Variants in GPR37 observed in about 807,000 individuals in gnomAD.
The protein encoded by GPR37 is G protein-coupled receptor 37, also known as prosaposin receptor GPR37.
In GPR37, 20 loss-of-function variants were observed where a neutral mutation model predicts 43.6. That is an observed-to-expected ratio of 0.46 (90% CI 0.32 to 0.67). GPR37 has a LOEUF of 0.67. Ranked by LOEUF, GPR37 falls within the 30% of genes least tolerant of loss-of-function variation. The pLI is 0.03. For synonymous variants in GPR37, 315 were observed against 322.6 expected, an observed-to-expected ratio of 0.98 and a Z score of 0.25; for missense variants, 724 against 797.2, an observed-to-expected ratio of 0.91 and a Z score of 1.11.
chr7:124,757,858 A>G (rs1793808827), intron 1 of GPR37, among the ~76,000 whole-genome samples: 1 of 152,216 alleles, frequency 6.6e-6, no homozygotes, highest in African/African-American at 2.4e-5. Flanking sequence ...GCATAGAAGA[A>G]AAGCCAGGTA....
rs754108421 is a variant in GPR37, at chr7:124,764,707, C to T, written c.270G>A (p.Ala90=). ...CTGCAGCCGGGTCACGGCCCGGGGC[C>T]GCCGGCAGGTCCCAGGAGGGTCCCG... The part of the protein sequence containing the change: ...FLAGPSWDLP[A]APGRDPAAGR... The change falls in exon 1 of 2, where the codon GCG becomes GCA. Residue 90 remains alanine (A), a synonymous_variant. Coordinates refer to ENST00000303921, the MANE Select transcript of GPR37 (RefSeq NM_005302.5). This position sits in a 1 kb window ranked among gnomAD's most constrained non-coding sequence, Gnocchi z 5.4. The T allele has an allele frequency of 3.1e-6, 5 of 1,598,514 alleles. No homozygotes were observed. The East Asian group carries it at 6.7e-5, about 21-fold the overall frequency.
Position 124,764,311 on chromosome 7 carries a change from A to T in GPR37, c.666T>A (p.Asn222Lys), listed in dbSNP as rs1793887780. ...CATGGATTCCTTCACCCAAGGATCC[A>T]TTCTGGGCCAGCGCCCGGCCCGGGA... ...IALPGRALAQ[N>K]GSLGEGIHEP... Residue 222 changes from asparagine to lysine, a missense_variant, in exon 1 of 2, where the codon AAT becomes AAA. Asn to Lys is a moderately conservative substitution (Grantham distance 94). Transcript: ENST00000303921. This position sits in a 1 kb window ranked among gnomAD's most constrained non-coding sequence, Gnocchi z 5.4. 6.2e-7 allele frequency: 1 copy of T among 1,609,878 alleles called. No homozygotes were observed. Among genetic ancestry groups the T allele is most frequent in the African/African-American group, 1.3e-5 (1 of 74,798 alleles).
intron 1 of GPR37, among the ~76,000 whole-genome samples, chr7:124,751,748 T>A (rs1446363860): frequency 3.3e-5 from 5 of 152,186 alleles, no homozygotes; most frequent in Non-Finnish European, 1.5e-5. Context: ...CCATGAAATA[T>A]GCTCTCAGGA....
Position 124,764,679 on chromosome 7 carries a change from T to G in GPR37, c.298A>C (p.Arg100=). The part of the protein sequence containing the change: ...AAPGRDPAAG[R]GAEASAAGPP... ...CCGGCTGCCGACGCCTCCGCCCCTCTGCCTGCAGCCGGGTCACGGCCCGGG... is the reference window on the plus strand; with the variant it reads ...CCGGCTGCCGACGCCTCCGCCCCTCGGCCTGCAGCCGGGTCACGGCCCGGG... Residue 100 remains arginine (R), a synonymous_variant, in exon 1 of 2, where the codon AGA becomes CGA. Transcript: ENST00000303921. The surrounding 1 kb of genome is among the most constrained non-coding windows in gnomAD (Gnocchi z 5.4). 1 of 1,592,466 alleles carries G rather than the reference T, an allele frequency of 6.3e-7. No homozygotes were observed. Among genetic ancestry groups the G allele is most frequent in the Non-Finnish European group, 8.5e-7 (1 of 1,170,222 alleles).
chr7:124,764,785 T>G lies in GPR37; in HGVS notation c.192A>C (p.Arg64Ser), dbSNP rs1190960884. ...RDAWGPGNSA[R>S]DVLRARAPRE... ...TGGGTGCTCGGGCTCGCAGAACGTCTCTTGCAGAATTTCCCGGTCCCCAGG... is the reference window on the plus strand; with the variant it reads ...TGGGTGCTCGGGCTCGCAGAACGTCGCTTGCAGAATTTCCCGGTCCCCAGG... Residue 64 changes from arginine (R) to serine (S), a missense_variant, in exon 1 of 2, where the codon AGA (arginine) becomes AGC (serine). Around this residue, in one of 2 missense-constraint regions of GPR37, gnomAD observed 382 missense variants for 355.4 expected, o/e 1.07. Coordinates refer to ENST00000303921, the MANE Select transcript of GPR37 (RefSeq NM_005302.5). This position sits in a 1 kb window ranked among gnomAD's most constrained non-coding sequence, Gnocchi z 5.4. The G allele has an allele frequency of 6.2e-7, 1 of 1,613,394 alleles. No individual in the cohort carries two copies. Among genetic ancestry groups the G allele is most frequent in the African/African-American group, 1.3e-5 (1 of 75,024 alleles).
chr7:124,750,232 T>G (rs1453430518), intron 1 of GPR37, among the ~76,000 whole-genome samples: 2 of 152,154 alleles, frequency 1.3e-5, no homozygotes, highest in African/African-American at 4.8e-5. Context: ...GATTCATTTC[T>G]CCTAAGTCTG....
chr7:124,759,489 C>G (rs1461237615), intron 1 of GPR37, among the ~76,000 whole-genome samples: 2 of 152,212 alleles, frequency 1.3e-5, no homozygotes, highest in African/African-American at 4.8e-5. Flanking sequence ...CCCTAATACA[C>G]ATAAAAGCAC....
chr7:124,765,622 A>C lies in GPR37; in HGVS notation c.-646T>G, dbSNP rs2239532. ...TGCTGCCGAGGAGAAGCGGGATTCC[A>C]ACCCCGCGGCCACTGCCAAAGTTGC... On this transcript the variant is annotated 5_prime_UTR_variant, in exon 1 of 2. Transcript: ENST00000303921. 0.21 allele frequency: 32,102 copies of C among 152,286 alleles called. 3,921 individuals are homozygous for C. Among genetic ancestry groups the C allele is most frequent in the East Asian group, 0.3 (1,569 of 5,156 alleles). 9.4% of individuals were successfully genotyped at this position (152,286 alleles called of 1,614,324 possible). A position where few individuals can be genotyped will look rare whatever the true frequency, so the allele number is the denominator to read the frequency against.
intron 1 of GPR37, 22 bp downstream of exon 1, chr7:124,763,932 G>A (rs770478326): frequency 2.5e-6 from 4 of 1,608,062 alleles, no homozygotes; most frequent in Non-Finnish European, 3.4e-6. Flanking sequence ...CCACTAGCTT[G>A]AGAGCCCCTG....
At chr7:124,759,651 G>A (rs372552277) in intron 1 of GPR37, among the ~76,000 whole-genome samples, 1 of 151,650 alleles carries the variant, frequency 6.6e-6, no homozygotes, top group African/African-American at 2.4e-5. Context: ...TTTGTCCTTC[G>A]ACTTTATGAG....
Position 124,762,687 on chromosome 7 carries a change from T to C in GPR37, c.1023+1267A>G, listed in dbSNP as rs924478483. Among the ~76,000 whole-genome samples, 3 of 152,172 alleles carry C rather than the reference T, an allele frequency of 2.0e-5. No homozygotes were observed. In the East Asian group the frequency reaches 5.8e-4, roughly 29 times the overall value. ...ACGCTGCTAAAGCAGCAACAGCTGA[T>C]TTCATAGTCATGGAATGATCCTGCA... On this transcript the variant is annotated intron_variant, in intron 1 of 1. Transcript: ENST00000303921.
intron 1 of GPR37, among the ~76,000 whole-genome samples, chr7:124,760,920 C>A (rs113013907): frequency 0.11 from 16,582 of 152,050 alleles, 1,121 homozygotes; most frequent in African/African-American, 0.18. Context: ...AACTTTGGGA[C>A]GCAGAGGTGG....
chr7:124,762,007 T>TG (rs1793856774), intron 1 of GPR37, among the ~76,000 whole-genome samples: 1 of 151,914 alleles, frequency 6.6e-6, no homozygotes, highest in African/African-American at 2.4e-5. Flanking sequence ...GCTACTAGGA[T>TG]GGGGAAAAGT....
chr7:124,756,409 G>A (rs1793790680), intron 1 of GPR37, among the ~76,000 whole-genome samples: 1 of 152,144 alleles, frequency 6.6e-6, no homozygotes, highest in South Asian at 2.1e-4. Context: ...CAAATGGAAA[G>A]TATTCTGTCT....
At chr7:124,755,266 A>G (rs1384680599) in intron 1 of GPR37, among the ~76,000 whole-genome samples, 1 of 152,144 alleles carries the variant, frequency 6.6e-6, no homozygotes, top group East Asian at 1.9e-4. Context: ...ATAACCATTT[A>G]TTTCTAATAT....
rs1408294908 is a variant in GPR37 at position 124,746,838 on chromosome 7, A to G, written c.1529T>C (p.Ile510Thr). The G allele has an allele frequency of 6.2e-7, 1 of 1,614,080 alleles. No homozygotes were observed. The highest frequency in any genetic ancestry group is 1.1e-5 in the South Asian group (1 of 91,090). Residue 510 changes from isoleucine to threonine, a missense_variant, in exon 2 of 2, where the codon ATC becomes ACC. By Grantham distance (89) the Ile-to-Thr change is moderately conservative. This residue lies in a region of GPR37 where 342 missense variants were observed against 441.8 expected (regional missense o/e 0.77). Coordinates refer to ENST00000303921, the MANE Select transcript of GPR37 (RefSeq NM_005302.5). ...CATGTAGGCAGTAACAATGTTGCAG[A>G]TATTTTCAGGAATAATGCAAAATCC... The part of the protein sequence containing the change: ...LYGFCIIPEN[I>T]CNIVTAYMAT...
At chr7:124,761,154 C>CAAAAAAAA (rs60967099) in intron 1 of GPR37, among the ~76,000 whole-genome samples, 1 of 77,470 alleles carries the variant, frequency 1.3e-5, no homozygotes, top group African/African-American at 5.3e-5. Flanking sequence ...GACTCCGTCT[C>CAAAAAAAA]AAAAAAAAAA....
Position 124,747,077 on chromosome 7 carries a change from G to T in GPR37, c.1290C>A (p.Thr430=). The stretch of plus-strand genomic sequence containing the variant: ...CGTAGGTGAGGGCTAGAACATAGAT[G>T]GTGTCTGGTAAATCAGGAGAGATCT... The part of the protein sequence containing the change: ...IIKISPDLPD[T]IYVLALTYDS... The change falls in exon 2 of 2, where the codon ACC becomes ACA. Residue 430 remains threonine (T), a synonymous_variant. Coordinates refer to ENST00000303921, the MANE Select transcript of GPR37 (RefSeq NM_005302.5). 1 of 1,613,918 alleles carries T rather than the reference G, an allele frequency of 6.2e-7. No individual in the cohort carries two copies. Among genetic ancestry groups the T allele is most frequent in the Non-Finnish European group, 8.5e-7 (1 of 1,179,888 alleles).
intron 1 of GPR37, among the ~76,000 whole-genome samples, chr7:124,762,399 C>T (rs1793861040): frequency 6.6e-6 from 1 of 150,768 alleles, no homozygotes; most frequent in African/African-American, 2.4e-5. Context: ...TGAGATAAGC[C>T]AATACACTTC....
Sources: gnomAD v4.1 joint callset for allele counts (sites outside exome capture counted in the v4.1 genomes callset) on GRCh38, gnomAD v4.1.1 for gene constraint, gnomAD v4.1.1 regional missense constraint, Gnocchi (gnomAD v3.1) non-coding constraint, MANE v1.5 for transcripts, NCBI Gene and HGNC (gene_info 2026-07-23, HGNC 2026-07-21) for gene names.